The following FERMT2 variants were observed in gnomAD, a reference collection of about 807,000 sequenced individuals.
The protein encoded by FERMT2 is FERM domain containing kindlin 2.
In FERMT2, 15 loss-of-function variants were observed where a neutral mutation model predicts 82.7. That is an observed-to-expected ratio of 0.18 (90% CI 0.12 to 0.28). The LOEUF is 0.28. FERMT2 is among the 10% of genes least tolerant of loss of function. The pLI is 1.00. For synonymous variants in FERMT2, 274 were observed against 271.5 expected, an observed-to-expected ratio of 1.01 and a Z score of -0.09; for missense variants, 645 against 809.4, an observed-to-expected ratio of 0.80 and a Z score of 2.46.
intron 3 of FERMT2, among the ~76,000 whole-genome samples, chr14:52,902,998 T>G: frequency 7.1e-6 from 1 of 140,104 alleles, no homozygotes; most frequent in Non-Finnish European, 1.5e-5. Flanking sequence ...TGACTAACAG[T>G]AACAGCGAGA....
At chr14:52,859,743 A>G (rs1210076718) in intron 13 of FERMT2, 29 bp from the exon 14 acceptor site, 6 of 1,436,654 alleles carry the variant, frequency 4.2e-6, no homozygotes, top group South Asian at 1.3e-5. Context: ...GAACGGTTAA[A>G]AACATGTTGT....
At chr14:52,936,657 CTGT>C (rs1457722796) in intron 2 of FERMT2, among the ~76,000 whole-genome samples, 1 of 152,140 alleles carries the variant, frequency 6.6e-6, no homozygotes, top group Admixed American at 6.5e-5. Flanking sequence ...TCTTCCCAGC[CTGT>C]TGTTCTGTCA....
chr14:52,914,217 A>T (rs1888489486), intron 3 of FERMT2, among the ~76,000 whole-genome samples: 1 of 151,928 alleles, frequency 6.6e-6, no homozygotes, highest in East Asian at 1.9e-4. Context: ...AAAATATATA[A>T]AAATTAGCCA....
intron 2 of FERMT2, among the ~76,000 whole-genome samples, chr14:52,922,718 G>A (rs1382801403): frequency 6.6e-6 from 1 of 152,164 alleles, no homozygotes; most frequent in African/African-American, 2.4e-5. Context: ...AAGGACTACT[G>A]GTCAAGAACT....
intron 3 of FERMT2, among the ~76,000 whole-genome samples, chr14:52,914,867 C>T (rs1239396269): frequency 6.6e-6 from 1 of 151,874 alleles, no homozygotes; most frequent in Non-Finnish European, 1.5e-5. Flanking sequence ...TTGCAGTGAG[C>T]GAAGATACCA....
intron 2 of FERMT2, among the ~76,000 whole-genome samples, chr14:52,933,795 C>T (rs1342577658): frequency 6.6e-6 from 1 of 151,560 alleles, no homozygotes; most frequent in Non-Finnish European, 1.5e-5. Flanking sequence ...TCTTATAATC[C>T]GTTAACAGGT....
chr14:52,894,812 G>A (rs1887158438), intron 3 of FERMT2, among the ~76,000 whole-genome samples: 1 of 149,748 alleles, frequency 6.7e-6, no homozygotes. Context: ...CTAGAAGAAA[G>A]CATAAGACGA....
intron 3 of FERMT2, among the ~76,000 whole-genome samples, chr14:52,897,375 A>G (rs549800113): frequency 6.6e-6 from 1 of 152,286 alleles, no homozygotes; most frequent in South Asian, 2.1e-4. Flanking sequence ...TAAGGCAAAG[A>G]TGGAACAAGA....
intron 9 of FERMT2, 24 bp from the exon 10 acceptor site, chr14:52,872,947 A>G (rs757732478): frequency 1.2e-6 from 2 of 1,607,532 alleles, no homozygotes; most frequent in Non-Finnish European, 1.7e-6. Flanking sequence ...AGAATTAACA[A>G]CAAAATCACT....
At chr14:52,860,622 ATAATG>A (rs1454706111) in intron 12 of FERMT2, 157 bp from the exon 13 acceptor site, 154 of 646,834 alleles carry the variant, frequency 2.4e-4, no homozygotes, top group Middle Eastern at 1.3e-3. Flanking sequence ...GGACACTGTA[ATAATG>A]TAATGTATAA....
chr14:52,874,287 G>A, intron 8 of FERMT2, 61 bp from the exon 9 acceptor site: 3 of 1,014,126 alleles, frequency 3.0e-6, no homozygotes, highest in Non-Finnish European at 4.3e-6. Context: ...TCTAATGTTT[G>A]GTATCTGATA....
chr14:52,890,574 G>A (rs533114492), intron 4 of FERMT2, among the ~76,000 whole-genome samples: 1 of 150,818 alleles, frequency 6.6e-6, no homozygotes, highest in South Asian at 2.1e-4. Flanking sequence ...TTCTTACTAT[G>A]TCACAATATT....
intron 2 of FERMT2, among the ~76,000 whole-genome samples, chr14:52,940,552 C>T (rs10873063): frequency 0.82 from 125,524 of 152,212 alleles, 51,951 homozygotes; most frequent in East Asian, 0.99. Flanking sequence ...TAAAGACATT[C>T]AGATATCTTC....
intron 2 of FERMT2, among the ~76,000 whole-genome samples, chr14:52,923,596 C>T (rs1348685350): frequency 6.6e-6 from 1 of 151,554 alleles, no homozygotes; most frequent in Non-Finnish European, 1.5e-5. Flanking sequence ...CCATGAATTC[C>T]ACCTCAGTTT....
At chr14:52,882,982 G>A (rs1331886209) in intron 4 of FERMT2, among the ~76,000 whole-genome samples, 1 of 152,064 alleles carries the variant, frequency 6.6e-6, no homozygotes, top group Non-Finnish European at 1.5e-5. Context: ...TGAATCACTT[G>A]AGGTCAGGAA....
rs760665291 is a variant in FERMT2, at chr14:52,860,461, G to A, written c.1607C>T (p.Thr536Ile). 4.3e-6 allele frequency: 7 copies of A among 1,611,628 alleles called. No individual in the cohort carries two copies. The South Asian group carries it at 6.6e-5, about 15-fold the overall frequency. The change falls in exon 13 of 15, where the codon ACA becomes ATA. Residue 536 changes from threonine (T) to isoleucine (I), a missense_variant. Transcript: ENST00000341590. ...YLKKYKNKQI[T>I]ARILEAHQNV... ...CTGATGGGCCTCCAAGATTCTCGCT[G>A]TTATCTAAACATGAGTAAACATCAC...
chr14:52,880,183 G>A (rs1302497160), intron 6 of FERMT2, among the ~76,000 whole-genome samples: 1 of 152,126 alleles, frequency 6.6e-6, no homozygotes, highest in Non-Finnish European at 1.5e-5. Context: ...CTTGAGTCCA[G>A]GACTTTGAGG....
At chr14:52,901,175 G>A (rs985802726) in intron 3 of FERMT2, among the ~76,000 whole-genome samples, 4 of 148,396 alleles carry the variant, frequency 2.7e-5, no homozygotes, top group Admixed American at 6.7e-5. Context: ...CAGCTACTCC[G>A]GAGGCTGAGG....
At chr14:52,949,031 A>G (rs2139720888) in intron 2 of FERMT2, among the ~76,000 whole-genome samples, 1 of 152,370 alleles carries the variant, frequency 6.6e-6, no homozygotes, top group Middle Eastern at 3.4e-3. Context: ...TCAGATAAAA[A>G]TACTGTTAAC....
Sources: gnomAD v4.1 joint callset for allele counts (sites outside exome capture counted in the v4.1 genomes callset) on GRCh38, gnomAD v4.1.1 for gene constraint, MANE v1.5 for transcripts, NCBI Gene and HGNC (gene_info 2026-07-23, HGNC 2026-07-21) for gene names.